The following REV3L variants were observed in gnomAD, a reference collection of about 807,000 sequenced individuals.
REV3L encodes the protein DNA polymerase zeta catalytic subunit.
In REV3L, 69 loss-of-function variants were observed where a neutral mutation model predicts 299.4. The observed-to-expected ratio is 0.23, with a 90% CI of 0.19 to 0.28. The LOEUF is 0.28. Among genes scored for constraint, REV3L ranks in the 10% least tolerant of loss-of-function variants. The pLI is 1.00. For missense variants in REV3L, 3,128 were observed against 3,693.8 expected (o/e 0.85, Z 3.97); for synonymous variants, 1,238 against 1,271.4 (o/e 0.97, Z 0.56).
chr6:111,314,320 G>A (rs1402359661), intron 27 of REV3L, among the ~76,000 whole-genome samples: 1 of 152,072 alleles, frequency 6.6e-6, no homozygotes, highest in Non-Finnish European at 1.5e-5. Flanking sequence ...TTAATAGTGG[G>A]GTCTAAGTTC....
At chr6:111,358,529 C>T (rs1024744247) in intron 17 of REV3L, among the ~76,000 whole-genome samples, 1 of 152,070 alleles carries the variant, frequency 6.6e-6, no homozygotes. Context: ...CAGGCACAAT[C>T]ATAGTGCACT....
chr6:111,330,357 C>CA (rs35127438), intron 24 of REV3L: 1,474 of 368,330 alleles, frequency 4.0e-3, no homozygotes, highest in South Asian at 4.9e-3. Context: ...TTGTTGATGC[C>CA]AAAAAAAAAA....
intron 1 of REV3L, among the ~76,000 whole-genome samples, chr6:111,438,217 C>A (rs1787828419): frequency 6.6e-6 from 1 of 151,864 alleles, no homozygotes; most frequent in South Asian, 2.1e-4. Context: ...TCATTGTTTT[C>A]TTTAGCAGTT....
At chr6:111,392,445 T>C (rs1782030751) in intron 5 of REV3L, among the ~76,000 whole-genome samples, 1 of 152,178 alleles carries the variant, frequency 6.6e-6, no homozygotes, top group African/African-American at 2.4e-5. Context: ...TTACAAATTA[T>C]ATTATTCAAA....
At chr6:111,396,609 C>T (rs1782540651) in intron 4 of REV3L, among the ~76,000 whole-genome samples, 1 of 152,118 alleles carries the variant, frequency 6.6e-6, no homozygotes, top group Non-Finnish European at 1.5e-5. Flanking sequence ...AGCAGTAAAG[C>T]CATCCAGACC....
Position 111,299,957 on chromosome 6 carries a change from AAC to A in REV3L, c.*57_*58del, listed in dbSNP as rs1771293591. 6.6e-7 allele frequency: 1 copy of A among 1,526,312 alleles called. No individual in the cohort carries two copies. Among genetic ancestry groups the A allele is most frequent in the Non-Finnish European group, 8.9e-7 (1 of 1,126,376 alleles). 94.5% of individuals were successfully genotyped at this position (1,526,312 alleles called of 1,614,324 possible). A position where few individuals can be genotyped will look rare whatever the true frequency, so the allele number is the denominator to read the frequency against. On this transcript the variant is annotated 3_prime_UTR_variant, in exon 32 of 32. Coordinates refer to ENST00000368802, the MANE Select transcript of REV3L (RefSeq NM_001372078.1). ...ATGAAAGTTAAAAAGCACCATGCAC[AAC>A]AGTTTAGTGGTAAGCACTGAAAAAA... is the stretch of plus-strand genomic sequence containing the variant.
chr6:111,313,811 CG>C (rs1214909633), intron 27 of REV3L, among the ~76,000 whole-genome samples: 1 of 152,198 alleles, frequency 6.6e-6, no homozygotes, highest in Non-Finnish European at 1.5e-5. Context: ...CCTGCTTCCC[CG>C]TATTTCCATA....
intron 24 of REV3L, chr6:111,331,033 C>T (rs1209553731): frequency 1.0e-6 from 1 of 984,700 alleles, no homozygotes; most frequent in African/African-American, 1.7e-5. Flanking sequence ...TCTACTGTCT[C>T]ATGATTCTAG....
At chr6:111,466,520 T>C (rs1305611601) in intron 1 of REV3L, among the ~76,000 whole-genome samples, 1 of 152,170 alleles carries the variant, frequency 6.6e-6, no homozygotes, top group East Asian at 1.9e-4. Context: ...GTACATACTG[T>C]GAGACACATT....
chr6:111,431,952 C>G (rs1786989356), intron 1 of REV3L, among the ~76,000 whole-genome samples: 1 of 151,008 alleles, frequency 6.6e-6, no homozygotes, highest in South Asian at 2.1e-4. Flanking sequence ...AAAGCGGGAC[C>G]TGAGGAAAAA....
intron 13 of REV3L, among the ~76,000 whole-genome samples, chr6:111,368,680 T>A (rs1281461266): frequency 6.6e-6 from 1 of 152,222 alleles, no homozygotes; most frequent in East Asian, 1.9e-4. Flanking sequence ...AAATCACTAA[T>A]GAAAACAGTC....
intron 18 of REV3L, among the ~76,000 whole-genome samples, chr6:111,356,496 A>G (rs553145470): frequency 4.6e-5 from 7 of 152,348 alleles, no homozygotes; most frequent in Non-Finnish European, 8.8e-5. Context: ...GCACAAGAGT[A>G]TGTAATAGAT....
At chr6:111,313,154 C>A in intron 28 of REV3L, 198 bp downstream of exon 28, 1 of 431,420 alleles carries the variant, frequency 2.3e-6, no homozygotes, top group Non-Finnish European at 3.9e-6. Flanking sequence ...CAAAGTGAGA[C>A]CCTGTCTCAA....
chr6:111,447,551 C>G (rs186163302), intron 1 of REV3L, among the ~76,000 whole-genome samples: 7 of 152,314 alleles, frequency 4.6e-5, no homozygotes, highest in Admixed American at 3.9e-4. Context: ...AAAAAATTCA[C>G]TTTACGTCAG....
intron 14 of REV3L, among the ~76,000 whole-genome samples, chr6:111,366,572 G>A (rs1234017962): frequency 6.6e-6 from 1 of 152,118 alleles, no homozygotes; most frequent in Non-Finnish European, 1.5e-5. Flanking sequence ...CTGCTTAGAG[G>A]ACATATGATA....
At position 111,345,207 on chromosome 6, in the gene REV3L, A is replaced by G. The variant is rs554207825; in HGVS notation, c.7420-1164T>C. Among the ~76,000 whole-genome samples, 6 of 152,312 alleles carry G rather than the reference A, an allele frequency of 3.9e-5. No individual in the cohort carries two copies. In the East Asian group the frequency reaches 1.2e-3, roughly 29 times the overall value. ...TAAAAGTCAAGTTAGGAATATGGAA[A>G]TGTCTCAGCATGCAGATAAAGAGGA... On this transcript the variant is annotated intron_variant, in intron 20 of 31. Transcript: ENST00000368802.
intron 1 of REV3L, among the ~76,000 whole-genome samples, chr6:111,441,861 A>G (rs1788298054): frequency 6.6e-6 from 1 of 152,044 alleles, no homozygotes; most frequent in South Asian, 2.1e-4. Flanking sequence ...ACATGAGGGG[A>G]GGGGAAGAAC....
intron 13 of REV3L, among the ~76,000 whole-genome samples, chr6:111,368,248 T>C (rs768641974): frequency 3.3e-5 from 5 of 152,208 alleles, no homozygotes; most frequent in Non-Finnish European, 2.9e-5. Context: ...GAAGGTACCA[T>C]TAATCTTAGG....
At chr6:111,448,118 A>G (rs1449188850) in intron 1 of REV3L, among the ~76,000 whole-genome samples, 1 of 152,170 alleles carries the variant, frequency 6.6e-6, no homozygotes, top group Non-Finnish European at 1.5e-5. Context: ...ACGATCAGGT[A>G]TAAGGACTAG....
Sources: allele counts gnomAD v4.1 joint callset (sites outside exome capture counted in the v4.1 genomes callset), GRCh38; gene constraint gnomAD v4.1.1; transcripts MANE v1.5; gene names NCBI Gene and HGNC (gene_info 2026-07-23, HGNC 2026-07-21).